SLC25A21: variants seen among roughly 807,000 people sequenced by gnomAD.
SLC25A21 encodes the protein solute carrier family 25 member 21, also known as mitochondrial 2-oxodicarboxylate carrier.
Under a neutral mutation model 43.8 loss-of-function variants are expected in SLC25A21, and 47 were observed. The ratio of observed to expected loss-of-function variants is 1.07; its 90% CI spans 0.85 to 1.37. The LOEUF (loss-of-function observed/expected upper bound fraction) is 1.37. Among genes scored for constraint, SLC25A21 ranks in the 40% most tolerant of loss-of-function variants. The probability of loss-of-function intolerance (pLI) is 0.00; values close to 1 mark genes in which losing one functional copy is unlikely to be tolerated. For missense variants in SLC25A21, 352 were observed against 350.2 expected, an observed-to-expected ratio of 1.00 and a Z score of -0.04; for synonymous variants, 131 against 121.3, an observed-to-expected ratio of 1.08 and a Z score of -0.52.
intron 2 of SLC25A21, among the ~76,000 whole-genome samples, chr14:36,846,134 T>C (rs545056321): frequency 6.6e-6 from 1 of 152,298 alleles, no homozygotes; most frequent in Admixed American, 6.5e-5. Flanking sequence ...TTACTTCGCC[T>C]TGCAACTTAG....
chr14:36,919,660 T>C (rs1260926428), intron 1 of SLC25A21, among the ~76,000 whole-genome samples: 1 of 150,910 alleles, frequency 6.6e-6, no homozygotes. Flanking sequence ...TCTATCTATC[T>C]ATCTATCTCT....
intron 1 of SLC25A21, among the ~76,000 whole-genome samples, chr14:36,986,332 T>C (rs1040361149): frequency 6.6e-6 from 1 of 152,200 alleles, no homozygotes; most frequent in African/African-American, 2.4e-5. Flanking sequence ...AAAGTGAGAA[T>C]GGGATTTCCA....
chr14:36,890,864 C>T (rs1891055099), intron 1 of SLC25A21, among the ~76,000 whole-genome samples: 1 of 152,092 alleles, frequency 6.6e-6, no homozygotes, highest in African/African-American at 2.4e-5. Context: ...AATATGTACA[C>T]TTTAAGTAGT....
Position 36,678,416 on chromosome 14 carries a change from G to C in SLC25A21, c.*2242C>G. The C allele has an allele frequency of 3.1e-6, 4 of 1,274,082 alleles. No homozygotes were observed. In the South Asian group the frequency reaches 3.8e-5, roughly 12 times the overall value. The allele number at this position is 1,274,082 out of a possible 1,614,324, so 78.9% of individuals were successfully genotyped here. A position where few individuals can be genotyped will look rare whatever the true frequency, so the allele number is the denominator to read the frequency against. On this transcript the variant is annotated 3_prime_UTR_variant, in exon 10 of 10. Coordinates refer to ENST00000331299, the MANE Select transcript of SLC25A21 (RefSeq NM_030631.4). Reference sequence around the variant, plus strand: ...AGGAGAAGAATAAGCAGAAGGAGCAGATGAACTCTCAGGGCCATAGTCTTC... The same window carrying C: ...AGGAGAAGAATAAGCAGAAGGAGCACATGAACTCTCAGGGCCATAGTCTTC...
chr14:36,716,851 C>T (rs1884160483), intron 6 of SLC25A21, among the ~76,000 whole-genome samples: 1 of 152,168 alleles, frequency 6.6e-6, no homozygotes, highest in Admixed American at 6.5e-5. Context: ...AGTGGATTTC[C>T]TCCATCTCTA....
intron 1 of SLC25A21, among the ~76,000 whole-genome samples, chr14:37,163,974 C>T (rs1963991228): frequency 6.6e-6 from 1 of 152,076 alleles, no homozygotes; most frequent in Non-Finnish European, 1.5e-5. Context: ...TACTCTGAAA[C>T]ACCTGGTTCT....
chr14:37,119,325 G>T lies in SLC25A21; in HGVS notation c.70+52956C>A, dbSNP rs1423449625. Among the ~76,000 whole-genome samples, 4 of 152,272 alleles carry T rather than the reference G, an allele frequency of 2.6e-5. No homozygotes were observed. In the East Asian group the frequency reaches 7.7e-4, roughly 29 times the overall value. On this transcript the variant is annotated intron_variant, in intron 1 of 9. Coordinates refer to ENST00000331299, the MANE Select transcript of SLC25A21 (RefSeq NM_030631.4). ...GCACTTTGGGAAGCTGAGGCAGGTG[G>T]ATCACTTGAGGTCAGGCATTCGAGA... is the stretch of plus-strand genomic sequence containing the variant.
intron 2 of SLC25A21, among the ~76,000 whole-genome samples, chr14:36,829,109 G>C (rs1452496385): frequency 6.6e-6 from 1 of 151,966 alleles, no homozygotes; most frequent in Non-Finnish European, 1.5e-5. Flanking sequence ...TGTTGGCCAG[G>C]CTGGTCTTGA....
chr14:36,722,386 A>G (rs1467470115), intron 6 of SLC25A21, among the ~76,000 whole-genome samples: 2 of 152,196 alleles, frequency 1.3e-5, no homozygotes, highest in African/African-American at 4.8e-5. Context: ...GTTCAAACTC[A>G]TAGAAGGTAC....
At chr14:37,023,435 AGT>A (rs956818567) in intron 1 of SLC25A21, among the ~76,000 whole-genome samples, 2 of 151,960 alleles carry the variant, frequency 1.3e-5, no homozygotes, top group African/African-American at 4.8e-5. Flanking sequence ...AAAAAAAATC[AGT>A]GTTTGAAAGA....
At chr14:36,690,879 G>A (rs959404113) in intron 7 of SLC25A21, among the ~76,000 whole-genome samples, 18 of 152,116 alleles carry the variant, frequency 1.2e-4, no homozygotes, top group African/African-American at 4.3e-4. Flanking sequence ...TAGCTGAATG[G>A]CTAGCTCTCT....
intron 1 of SLC25A21, among the ~76,000 whole-genome samples, chr14:36,996,213 T>C (rs1325607680): frequency 6.6e-6 from 1 of 152,206 alleles, no homozygotes; most frequent in East Asian, 1.9e-4. Flanking sequence ...TTGTATCTAA[T>C]ATTCAGCTAA....
intron 1 of SLC25A21, among the ~76,000 whole-genome samples, chr14:37,087,408 C>A (rs1025284722): frequency 6.6e-6 from 1 of 152,166 alleles, no homozygotes; most frequent in African/African-American, 2.4e-5. Flanking sequence ...TATCTGTGAC[C>A]TGAAACCAAC....
intron 3 of SLC25A21, among the ~76,000 whole-genome samples, chr14:36,807,678 T>G (rs1478011668): frequency 6.6e-6 from 1 of 152,182 alleles, no homozygotes; most frequent in African/African-American, 2.4e-5. Flanking sequence ...TTTTGAAAAG[T>G]AGACCCACTA....
intron 2 of SLC25A21, among the ~76,000 whole-genome samples, chr14:36,816,701 C>T (rs771783278): frequency 2.0e-5 from 3 of 151,914 alleles, no homozygotes; most frequent in Non-Finnish European, 2.9e-5. Flanking sequence ...GTGGCGTCTC[C>T]CCTTCTTGCC....
At chr14:36,786,885 G>A (rs1031085518) in intron 3 of SLC25A21, among the ~76,000 whole-genome samples, 1 of 152,056 alleles carries the variant, frequency 6.6e-6, no homozygotes, top group African/African-American at 2.4e-5. Context: ...GAGAGGCCAC[G>A]GTCTTTCACA....
chr14:37,156,885 T>G (rs755366756), intron 1 of SLC25A21, among the ~76,000 whole-genome samples: 49 of 152,090 alleles, frequency 3.2e-4, no homozygotes, highest in Non-Finnish European at 6.0e-4. Flanking sequence ...ACACAAAATA[T>G]CAACAAAGAA....
At chr14:37,144,709 A>T (rs560794642) in intron 1 of SLC25A21, among the ~76,000 whole-genome samples, 14 of 152,244 alleles carry the variant, frequency 9.2e-5, no homozygotes, top group Non-Finnish European at 1.8e-4. Flanking sequence ...TTATATTATA[A>T]AAGTAGAAAG....
At chr14:36,910,349 T>C (rs1891653591) in intron 1 of SLC25A21, among the ~76,000 whole-genome samples, 1 of 152,136 alleles carries the variant, frequency 6.6e-6, no homozygotes, top group South Asian at 2.1e-4. Context: ...CAGTTTGGAC[T>C]TTACAAGTAT....
Sources: allele counts gnomAD v4.1 joint callset (sites outside exome capture counted in the v4.1 genomes callset), GRCh38; gene constraint gnomAD v4.1.1; transcripts MANE v1.5; gene names NCBI Gene and HGNC (gene_info 2026-07-23, HGNC 2026-07-21).